The following TENM3 variants were observed in gnomAD, a reference collection of about 807,000 sequenced individuals.
The protein encoded by TENM3 is teneurin-3.
Under a neutral mutation model 255.1 loss-of-function variants are expected in TENM3, and 63 were observed. The ratio of observed to expected loss-of-function variants is 0.25; its 90% CI spans 0.20 to 0.30. The LOEUF is 0.30. Ranked by LOEUF, TENM3 falls within the 10% of genes least tolerant of loss-of-function variation. The pLI is 1.00. For synonymous variants in TENM3, 1,306 were observed against 1,322.3 expected, an observed-to-expected ratio of 0.99 and a Z score of 0.27; for missense variants, 2,929 against 3,461.1, an observed-to-expected ratio of 0.85 and a Z score of 3.86.
the TENM3 span, among the ~76,000 whole-genome samples, chr4:182,039,191 C>T: frequency 2.0e-5 from 3 of 152,154 alleles, no homozygotes; most frequent in African/African-American, 2.4e-5. Context: ...GTGGCTCAAA[C>T]GCCTCAAGAT....
At chr4:181,952,600 G>C in the TENM3 span, among the ~76,000 whole-genome samples, 1 of 152,322 alleles carries the variant, frequency 6.6e-6, no homozygotes, top group East Asian at 1.9e-4. Flanking sequence ...CCCATCCCAC[G>C]AACAACTCAG....
the TENM3 span, among the ~76,000 whole-genome samples, chr4:181,686,726 A>G: frequency 2.6e-5 from 4 of 152,228 alleles, no homozygotes; most frequent in Admixed American, 2.6e-4. Flanking sequence ...TTCATTTGTT[A>G]TCTTCTTTAG....
At chr4:182,556,092 C>T (rs1364759805) in intron 3 of TENM3, among the ~76,000 whole-genome samples, 1 of 152,192 alleles carries the variant, frequency 6.6e-6, no homozygotes, top group Non-Finnish European at 1.5e-5. Flanking sequence ...TTTTACCCCA[C>T]TTCCCAGCCC....
At chr4:181,925,235 G>A in the TENM3 span, among the ~76,000 whole-genome samples, 1 of 152,142 alleles carries the variant, frequency 6.6e-6, no homozygotes, top group African/African-American at 2.4e-5. Context: ...GAACTTAGAA[G>A]TTATTCTTAG....
intron 1 of TENM3, among the ~76,000 whole-genome samples, chr4:182,163,023 G>A (rs1408879424): frequency 6.6e-6 from 1 of 152,110 alleles, no homozygotes; most frequent in Non-Finnish European, 1.5e-5. Flanking sequence ...CCATTATCCT[G>A]TTTGTTCACA....
In TENM3 at chr4:182,411,715, C is replaced by T. The variant is rs184178932; in HGVS notation, c.511+64786C>T. Among the ~76,000 whole-genome samples the T allele has an allele frequency of 5.3e-5, 8 of 152,252 alleles. No homozygotes were observed. In the South Asian group the frequency reaches 6.2e-4, roughly 12 times the overall value. The stretch of plus-strand genomic sequence containing the variant: ...TCACTCTGCAAGAGGAGATATTTTC[C>T]GTACTATGCGTTATTTTGACAGGTT... On this transcript the variant is annotated intron_variant, in intron 3 of 27. Transcript: ENST00000511685.
chr4:182,105,531 C>T, the TENM3 span, among the ~76,000 whole-genome samples: 1 of 152,096 alleles, frequency 6.6e-6, no homozygotes, highest in African/African-American at 2.4e-5. Context: ...TGGTTTATTG[C>T]GGGGAAAGGA....
chr4:181,880,742 C>A, the TENM3 span, among the ~76,000 whole-genome samples: 2 of 152,060 alleles, frequency 1.3e-5, no homozygotes, highest in African/African-American at 4.8e-5. Context: ...AATATATAGA[C>A]CCTTACTTTA....
At chr4:182,405,420 G>C (rs1769498511) in intron 3 of TENM3, among the ~76,000 whole-genome samples, 1 of 152,220 alleles carries the variant, frequency 6.6e-6, no homozygotes, top group Non-Finnish European at 1.5e-5. Flanking sequence ...AGCGGGAATA[G>C]ATTGGATGCA....
the TENM3 span, among the ~76,000 whole-genome samples, chr4:182,042,888 T>C: frequency 7.1e-4 from 104 of 146,620 alleles, no homozygotes; most frequent in African/African-American, 2.6e-3. Context: ...TGCGTGTGTG[T>C]GTGTGTGTGT....
chr4:181,576,811 CTTTTTTTTTTT>C, the TENM3 span, among the ~76,000 whole-genome samples: 3 of 123,984 alleles, frequency 2.4e-5, no homozygotes, highest in African/African-American at 9.1e-5. Flanking sequence ...TCTTTCTTTT[CTTTTTTTTTTT>C]TTTTTTTTGA....
chr4:182,695,982 C>T (rs983011495), intron 12 of TENM3, among the ~76,000 whole-genome samples: 3 of 152,160 alleles, frequency 2.0e-5, no homozygotes, highest in Admixed American at 6.5e-5. Flanking sequence ...ATGTGTTACT[C>T]ATCCCAGTGT....
the TENM3 span, among the ~76,000 whole-genome samples, chr4:181,809,897 C>T: frequency 6.6e-6 from 1 of 152,162 alleles, no homozygotes; most frequent in Admixed American, 6.5e-5. Context: ...ACACACTCTC[C>T]CCGGAGCCCC....
intron 3 of TENM3, among the ~76,000 whole-genome samples, chr4:182,366,317 A>G (rs1201348657): frequency 6.6e-6 from 1 of 151,544 alleles, no homozygotes; most frequent in Non-Finnish European, 1.5e-5. Flanking sequence ...TACTGATTTC[A>G]CTCTAGAGCA....
chr4:181,519,244 C>T, the TENM3 span, among the ~76,000 whole-genome samples: 17 of 152,244 alleles, frequency 1.1e-4, no homozygotes, highest in South Asian at 3.5e-3. Context: ...AAAAGAAAAA[C>T]AGAGTGAGGC....
chr4:181,899,617 G>A, the TENM3 span, among the ~76,000 whole-genome samples: 1 of 151,912 alleles, frequency 6.6e-6, no homozygotes, highest in Admixed American at 6.6e-5. Flanking sequence ...CACCAGGCTG[G>A]AGTGCAGTGG....
the TENM3 span, among the ~76,000 whole-genome samples, chr4:181,505,102 C>T: frequency 6.6e-6 from 1 of 152,142 alleles, no homozygotes; most frequent in Admixed American, 6.5e-5. Context: ...GAAATGACCT[C>T]GAGACACCAA....
chr4:182,576,097 G>T (rs1440382622), intron 3 of TENM3, among the ~76,000 whole-genome samples: 1 of 152,158 alleles, frequency 6.6e-6, no homozygotes, highest in East Asian at 1.9e-4. Context: ...ATGAGATTTT[G>T]ATATTTATTC....
chr4:182,446,407 C>T (rs1196546076), intron 3 of TENM3, among the ~76,000 whole-genome samples: 1 of 152,168 alleles, frequency 6.6e-6, no homozygotes, highest in Non-Finnish European at 1.5e-5. Flanking sequence ...ATTTACATAG[C>T]ATTCATCTGG....
Sources: allele counts gnomAD v4.1 joint callset (sites outside exome capture counted in the v4.1 genomes callset), GRCh38; gene constraint gnomAD v4.1.1; transcripts MANE v1.5; gene names NCBI Gene and HGNC (gene_info 2026-07-23, HGNC 2026-07-21).